C8orf34: variants seen among roughly 807,000 people sequenced by gnomAD.
C8orf34 encodes the protein chromosome 8 open reading frame 34.
Under a neutral mutation model 68.3 loss-of-function variants are expected in C8orf34, and 65 were observed. That is an observed-to-expected ratio of 0.95 (90% CI 0.78 to 1.17). The LOEUF (loss-of-function observed/expected upper bound fraction) is 1.17. Ranked by LOEUF, C8orf34 falls within the 50% of genes most tolerant of loss-of-function variation. The probability of loss-of-function intolerance (pLI) is 0.00; values close to 1 mark genes in which losing one functional copy is unlikely to be tolerated. For synonymous variants in C8orf34, 244 were observed against 241.2 expected (o/e 1.01, Z -0.11); for missense variants, 664 against 655.4 (o/e 1.01, Z -0.14).
At chr8:68,456,331 A>G (rs577739119) in intron 3 of C8orf34, among the ~76,000 whole-genome samples, 1 of 152,184 alleles carries the variant, frequency 6.6e-6, no homozygotes, top group Non-Finnish European at 1.5e-5. Context: ...TTTCTGAAGA[A>G]AAAAGCAACT....
chr8:68,521,709 A>G, intron 5 of C8orf34, 90 bp from the exon 6 acceptor site: 3 of 1,133,218 alleles, frequency 2.6e-6, no homozygotes, highest in Admixed American at 2.5e-5. Flanking sequence ...AAAGCATTTG[A>G]CAGTCAAATA....
intron 1 of C8orf34, among the ~76,000 whole-genome samples, chr8:68,410,911 T>G (rs983292188): frequency 9.2e-5 from 14 of 152,178 alleles, no homozygotes; most frequent in Non-Finnish European, 1.8e-4. Context: ...CACTGATGGC[T>G]TCCCCTTGGT....
chr8:68,429,213 A>G (rs774282761), intron 1 of C8orf34, among the ~76,000 whole-genome samples: 7 of 152,198 alleles, frequency 4.6e-5, no homozygotes, highest in African/African-American at 7.2e-5. Context: ...TATGAAAAAG[A>G]AAGGCATTAA....
chr8:68,480,731 C>T (rs970172087), intron 4 of C8orf34, among the ~76,000 whole-genome samples: 12 of 151,974 alleles, frequency 7.9e-5, no homozygotes, highest in African/African-American at 2.7e-4. Context: ...TATCCCTGCC[C>T]TAGAGATTTG....
At chr8:68,795,352 G>A (rs1012832615) in intron 12 of C8orf34, among the ~76,000 whole-genome samples, 3 of 149,788 alleles carry the variant, frequency 2.0e-5, no homozygotes, top group Non-Finnish European at 3.0e-5. Flanking sequence ...CTATTTATGG[G>A]CCACAATTTC....
intron 8 of C8orf34, among the ~76,000 whole-genome samples, chr8:68,650,477 C>CT (rs57112362): frequency 0.083 from 10,024 of 120,822 alleles, 643 homozygotes; most frequent in African/African-American, 0.12. Flanking sequence ...CCACCCTAGT[C>CT]TTTTTTTTTT....
chr8:68,421,677 A>T (rs1809978385), intron 1 of C8orf34, among the ~76,000 whole-genome samples: 1 of 152,020 alleles, frequency 6.6e-6, no homozygotes, highest in South Asian at 2.1e-4. Context: ...GGCTGAACAA[A>T]CCCTGGCTCT....
chr8:68,660,114 A>C (rs1819627391), intron 8 of C8orf34, among the ~76,000 whole-genome samples: 1 of 152,176 alleles, frequency 6.6e-6, no homozygotes, highest in Non-Finnish European at 1.5e-5. Flanking sequence ...TCTGTGGTAC[A>C]GGGACACAGT....
chr8:68,498,540 T>A (rs1369275866), intron 5 of C8orf34, among the ~76,000 whole-genome samples: 1 of 152,116 alleles, frequency 6.6e-6, no homozygotes, highest in Admixed American at 6.5e-5. Context: ...AGTCTGAAAG[T>A]GTTTTTAGTA....
At chr8:68,492,073 A>G (rs1813336690) in intron 5 of C8orf34, among the ~76,000 whole-genome samples, 1 of 152,216 alleles carries the variant, frequency 6.6e-6, no homozygotes, top group African/African-American at 2.4e-5. Context: ...GAACTCCTCA[A>G]TAAATCACTT....
chr8:68,395,131 AT>A (rs995808949), intron 1 of C8orf34, among the ~76,000 whole-genome samples: 12 of 149,786 alleles, frequency 8.0e-5, no homozygotes, highest in Admixed American at 2.0e-4. Context: ...TACAAAAAGT[AT>A]TTTTTTTAAA....
intron 7 of C8orf34, among the ~76,000 whole-genome samples, chr8:68,548,051 T>C (rs1273907711): frequency 6.6e-6 from 1 of 151,718 alleles, no homozygotes; most frequent in African/African-American, 2.4e-5. Flanking sequence ...TACTTTGAGA[T>C]GAATTATAGC....
rs750530943 is a variant in C8orf34 at position 68,681,108 on chromosome 8, T to C, written c.1242-27886T>C. On this transcript the variant is annotated intron_variant, in intron 8 of 13. Transcript: ENST00000518698. ...CAGGCAGTCAGACCTTATGGTTGTCTTCCCTTGTTCCCTAAAAATCACTGT... is the reference window on the plus strand; with the variant it reads ...CAGGCAGTCAGACCTTATGGTTGTCCTCCCTTGTTCCCTAAAAATCACTGT... Among the ~76,000 whole-genome samples, 16 of 152,164 alleles carry C rather than the reference T, an allele frequency of 1.1e-4. 1 individual carries two copies. Among genetic ancestry groups the C allele is most frequent in the Non-Finnish European group, 1.6e-4 (11 of 68,014 alleles).
At chr8:68,577,607 T>A (rs184158938) in intron 7 of C8orf34, among the ~76,000 whole-genome samples, 14 of 152,050 alleles carry the variant, frequency 9.2e-5, no homozygotes, top group African/African-American at 3.4e-4. Flanking sequence ...TGCTTAAAAT[T>A]TGTTATACCA....
At chr8:68,710,992 A>G (rs1391958615) in intron 9 of C8orf34, among the ~76,000 whole-genome samples, 1 of 151,932 alleles carries the variant, frequency 6.6e-6, no homozygotes, top group Non-Finnish European at 1.5e-5. Flanking sequence ...ACATCACAGG[A>G]CTCTTTGCAG....
intron 1 of C8orf34, among the ~76,000 whole-genome samples, chr8:68,426,169 A>G (rs553515958): frequency 4.3e-4 from 65 of 152,252 alleles, no homozygotes; most frequent in South Asian, 1.4e-3. Context: ...AATAAAATTG[A>G]TAAATAAGAC....
At chr8:68,758,008 T>G (rs2129527881) in intron 10 of C8orf34, among the ~76,000 whole-genome samples, 1 of 152,364 alleles carries the variant, frequency 6.6e-6, no homozygotes, top group Non-Finnish European at 1.5e-5. Flanking sequence ...ATTCTTGGAT[T>G]GGAATAGCCC....
intron 7 of C8orf34, among the ~76,000 whole-genome samples, chr8:68,580,520 C>T (rs557874103): frequency 2.2e-4 from 34 of 152,122 alleles, no homozygotes; most frequent in African/African-American, 8.2e-4. Flanking sequence ...ACACTTATGG[C>T]CCCTATCAGG....
chr8:68,745,305 A>G (rs1012015217), intron 10 of C8orf34, among the ~76,000 whole-genome samples: 2 of 152,170 alleles, frequency 1.3e-5, no homozygotes, highest in African/African-American at 2.4e-5. Context: ...GACCATCGAG[A>G]CTAGGAAGAA....
Sources: gnomAD v4.1 joint callset for allele counts (sites outside exome capture counted in the v4.1 genomes callset) on GRCh38, gnomAD v4.1.1 for gene constraint, MANE v1.5 for transcripts, NCBI Gene and HGNC (gene_info 2026-07-23, HGNC 2026-07-21) for gene names.